The following OGT variants were observed in gnomAD, a reference collection of about 807,000 sequenced individuals.
OGT encodes the protein UDP-N-acetylglucosamine--peptide N-acetylglucosaminyltransferase 110 kDa subunit.
A neutral mutation model predicts 75.8 loss-of-function variants in OGT; 3 were observed. The observed-to-expected ratio is 0.04, with a 90% CI of 0.02 to 0.10. OGT has a LOEUF of 0.10. OGT is among the 10% of genes least tolerant of loss of function. OGT has a pLI of 1.00. For synonymous variants in OGT, 257 were observed against 289.7 expected (o/e 0.89, Z 1.15); for missense variants, 260 against 824.4 (o/e 0.32, Z 8.38).
In OGT at chrX:71,568,856, AAAC is replaced by A. The variant is rs1448024417; in HGVS notation, c.2966+743_2966+745del. 3.3e-4 allele frequency among the ~76,000 whole-genome samples: 35 copies of A among 106,537 alleles called. 2 individuals are homozygous for A. Among genetic ancestry groups the A allele is most frequent in the Admixed American group, 3.2e-3 (32 of 10,057 alleles). The allele number at this position is 106,537 out of a possible 115,157, so 92.5% of individuals were successfully genotyped here. A position where few individuals can be genotyped will look rare whatever the true frequency, so the allele number is the denominator to read the frequency against. On this transcript the variant is annotated intron_variant, in intron 21 of 21. Coordinates refer to ENST00000373719, the MANE Select transcript of OGT (RefSeq NM_181672.3). The stretch of plus-strand genomic sequence containing the variant: ...AACAAAAACAAAAACAAAAACAAAC[AAAC>A]AAAAAAAAAACCAAACAAACAAAAA...
intron 6 of OGT, 124 bp downstream of exon 6, chrX:71,554,716 C>A: frequency 2.0e-6 from 1 of 489,258 alleles, no homozygotes; most frequent in Non-Finnish European, 3.5e-6. Flanking sequence ...ACGTTGTTCT[C>A]TGCCCATGTC....
intron 3 of OGT, among the ~76,000 whole-genome samples, chrX:71,542,299 G>A (rs932240338): frequency 2.7e-5 from 3 of 111,801 alleles, no homozygotes; most frequent in Non-Finnish European, 5.6e-5. Flanking sequence ...GTGCCCGTGC[G>A]TTTTCTAGAA....
intron 15 of OGT, 132 bp from the exon 16 acceptor site, chrX:71,562,715 T>C: frequency 1.7e-6 from 1 of 586,812 alleles, no homozygotes; most frequent in Non-Finnish European, 2.5e-6. Context: ...GGTTCTTTTT[T>C]TAAAAACCAC....
chrX:71,569,572 C>T (rs1473043350), intron 21 of OGT, among the ~76,000 whole-genome samples: 1 of 110,223 alleles, frequency 9.1e-6, no homozygotes, highest in Non-Finnish European at 1.9e-5. Context: ...CTCACTGCAG[C>T]CTCCACGTCC....
At chrX:71,539,657 G>A (rs1258236232) in intron 3 of OGT, among the ~76,000 whole-genome samples, 2 of 112,577 alleles carry the variant, frequency 1.8e-5, no homozygotes, top group African/African-American at 6.5e-5. Context: ...AATCTAGCTA[G>A]TTACCCACAT....
Position 71,575,478 on chromosome X carries a change from T to C in OGT, c.*1684T>C, listed in dbSNP as rs975766736. 1 of 112,832 alleles carries C rather than the reference T, an allele frequency of 8.9e-6. No individual in the cohort carries two copies. The highest frequency in any genetic ancestry group is 3.2e-5 in the African/African-American group (1 of 31,017). 9.3% of individuals were successfully genotyped at this position (112,832 alleles called of 1,213,427 possible). On this transcript the variant is annotated 3_prime_UTR_variant, in exon 22 of 22. Coordinates refer to ENST00000373719, the MANE Select transcript of OGT (RefSeq NM_181672.3). Reference sequence around the variant, plus strand: ...CGTGAAGGGATTTCTTAATTTATTTTTTACCGGTTGATTGAAATATCAGTT... The same window carrying C: ...CGTGAAGGGATTTCTTAATTTATTTCTTACCGGTTGATTGAAATATCAGTT...
chrX:71,558,226 C>T (rs1424577547), intron 12 of OGT, among the ~76,000 whole-genome samples: 2 of 111,190 alleles, frequency 1.8e-5, no homozygotes, highest in Non-Finnish European at 3.8e-5. Flanking sequence ...GCTGGGATTA[C>T]GGGTGTGAGC....
At chrX:71,557,937 TTTTTTTTTCTTTTATC>T (rs1177099122) in intron 12 of OGT, among the ~76,000 whole-genome samples, 7 of 110,168 alleles carry the variant, frequency 6.4e-5, no homozygotes, top group Admixed American at 2.9e-4. Context: ...AAAGCCATAA[TTTTTTTTTCTTTTATC>T]TTTTTTTTCT....
intron 8 of OGT, 197 bp from the exon 9 acceptor site, chrX:71,556,483 G>A (rs372209210): frequency 1.6e-5 from 6 of 377,908 alleles, no homozygotes; most frequent in Middle Eastern, 7.2e-4. Flanking sequence ...GAGAAGAGGT[G>A]TACCTCATTA....
At chrX:71,560,548 C>T (rs1397563900) in intron 14 of OGT, among the ~76,000 whole-genome samples, 1 of 111,371 alleles carries the variant, frequency 9.0e-6, no homozygotes, top group Non-Finnish European at 1.9e-5. Context: ...TATGTATGTA[C>T]ATACACATGC....
chrX:71,561,462 C>G (rs113383611), intron 14 of OGT, among the ~76,000 whole-genome samples: 1 of 88,197 alleles, frequency 1.1e-5, no homozygotes, highest in Admixed American at 1.4e-4. Context: ...CCCATCCCTA[C>G]CAAAAAAAAA....
At chrX:71,533,849 A>G (rs1210669963) in intron 1 of OGT, among the ~76,000 whole-genome samples, 1 of 110,439 alleles carries the variant, frequency 9.1e-6, no homozygotes, top group Non-Finnish European at 1.9e-5. Context: ...ACTTTGCATC[A>G]CCCGAGGACG....
chrX:71,535,290 C>G (rs140502804), intron 1 of OGT, among the ~76,000 whole-genome samples: 15 of 111,660 alleles, frequency 1.3e-4, no homozygotes, highest in African/African-American at 4.9e-4. Flanking sequence ...AACGTTTTGA[C>G]CATTGCAGTT....
chrX:71,538,291 T>G (rs2040194036), intron 3 of OGT, among the ~76,000 whole-genome samples: 1 of 112,596 alleles, frequency 8.9e-6, no homozygotes, highest in African/African-American at 3.2e-5. Context: ...AAAATTCTTA[T>G]TGCAAGAAAC....
At chrX:71,570,467 C>T (rs1352139825) in intron 21 of OGT, among the ~76,000 whole-genome samples, 1 of 111,737 alleles carries the variant, frequency 8.9e-6, no homozygotes, top group Admixed American at 9.5e-5. Flanking sequence ...CCTGAGTGAA[C>T]CCAAGCTCTC....
intron 8 of OGT, 53 bp downstream of exon 8, chrX:71,556,147 G>A: frequency 8.8e-7 from 1 of 1,141,625 alleles, no homozygotes; most frequent in Non-Finnish European, 1.2e-6. Context: ...AGGGAAAGCA[G>A]TTAAGTTTAC....
At chrX:71,537,147 T>C (rs779749449) in intron 2 of OGT, 1 of 142,411 alleles carries the variant, frequency 7.0e-6, no homozygotes, top group East Asian at 2.7e-4. Flanking sequence ...TTTGTATTTT[T>C]AGTAGAAACG....
At chrX:71,567,892 C>T (rs1471405956) in intron 20 of OGT, 101 bp from the exon 21 acceptor site, 1 of 1,072,683 alleles carries the variant, frequency 9.3e-7, no homozygotes, top group African/African-American at 1.8e-5. Flanking sequence ...GTTCTCACTT[C>T]ATTCTCTTCA....
chrX:71,545,534 A>G (rs2147673396), intron 4 of OGT: 1 of 112,645 alleles, frequency 8.9e-6, no homozygotes, highest in East Asian at 2.8e-4. Flanking sequence ...AGTGGGGAGA[A>G]ACCAGAATGC....
Sources: allele counts gnomAD v4.1 joint callset (sites outside exome capture counted in the v4.1 genomes callset), GRCh38; gene constraint gnomAD v4.1.1; transcripts MANE v1.5; gene names NCBI Gene and HGNC (gene_info 2026-07-23, HGNC 2026-07-21).